IGF2BP3: variants seen among roughly 807,000 people sequenced by gnomAD.
IGF2BP3 encodes the protein insulin-like growth factor 2 mRNA-binding protein 3.
Under a neutral mutation model 73.8 loss-of-function variants are expected in IGF2BP3, and 9 were observed. The ratio of observed to expected loss-of-function variants is 0.12; its 90% confidence interval spans 0.07 to 0.21. The LOEUF (loss-of-function observed/expected upper bound fraction) is 0.21. Ranked by LOEUF, IGF2BP3 falls within the 10% of genes least tolerant of loss-of-function variation. The pLI is 1.00. For missense variants in IGF2BP3, 542 were observed against 714.0 expected (o/e 0.76, Z 2.75); for synonymous variants, 258 against 256.7 (o/e 1.01, Z -0.05).
intron 3 of IGF2BP3, among the ~76,000 whole-genome samples, chr7:23,406,582 T>C (rs773887356): frequency 6.6e-6 from 1 of 152,004 alleles, no homozygotes; most frequent in Non-Finnish European, 1.5e-5. Flanking sequence ...CTCTTAAAGG[T>C]AGTGTGGACC....
At chr7:23,358,991 A>G (rs1261459380) in intron 5 of IGF2BP3, among the ~76,000 whole-genome samples, 1 of 152,234 alleles carries the variant, frequency 6.6e-6, no homozygotes, top group East Asian at 1.9e-4. Context: ...CTGACTGAAT[A>G]TTAGAACAAA....
intron 2 of IGF2BP3, among the ~76,000 whole-genome samples, chr7:23,423,907 C>G (rs774035614): frequency 6.7e-6 from 1 of 150,276 alleles, no homozygotes; most frequent in Non-Finnish European, 1.5e-5. Flanking sequence ...ATCACGAGGT[C>G]AGAAGTTCGA....
At chr7:23,384,238 T>C (rs1486424011) in intron 3 of IGF2BP3, among the ~76,000 whole-genome samples, 1 of 149,798 alleles carries the variant, frequency 6.7e-6, no homozygotes, top group African/African-American at 2.5e-5. Flanking sequence ...ATGCACAGAA[T>C]AGGGAAATAT....
rs755015332 is a variant in IGF2BP3 at position 23,468,554 on chromosome 7, C to T, written c.176-12G>A. 1.1e-5 allele frequency: 17 copies of T among 1,613,996 alleles called. No homozygotes were observed. The East Asian group carries it at 3.3e-4, about 32-fold the overall frequency. ...CAGTTCTATTTTACCTGCGGACACA[C>T]AAGAAGTGAGACGGTCGGCCGAGTT... On this transcript the variant is annotated splice_polypyrimidine_tract_variant and intron_variant, in intron 1 of 14. Transcript: ENST00000258729.
intron 10 of IGF2BP3, among the ~76,000 whole-genome samples, chr7:23,326,318 G>A (rs1289604936): frequency 6.6e-6 from 1 of 152,204 alleles, no homozygotes; most frequent in African/African-American, 2.4e-5. Context: ...ATGAAAAAAT[G>A]CTCACCATCA....
At chr7:23,454,548 T>C (rs1434920695) in intron 2 of IGF2BP3, among the ~76,000 whole-genome samples, 1 of 152,194 alleles carries the variant, frequency 6.6e-6, no homozygotes. Context: ...AGAAGTCCTT[T>C]ACAGACATTA....
intron 2 of IGF2BP3, among the ~76,000 whole-genome samples, chr7:23,467,399 A>G (rs1248181381): frequency 3.3e-5 from 5 of 152,208 alleles, no homozygotes; most frequent in Admixed American, 6.5e-5. Flanking sequence ...CCTGATTTAA[A>G]TTAACTTTCA....
At chr7:23,426,113 G>A (rs927557142) in intron 2 of IGF2BP3, among the ~76,000 whole-genome samples, 1 of 152,180 alleles carries the variant, frequency 6.6e-6, no homozygotes, top group East Asian at 1.9e-4. Flanking sequence ...GATCACCTGA[G>A]GTCAGGAGTT....
chr7:23,406,119 T>C (rs116244806), intron 3 of IGF2BP3, among the ~76,000 whole-genome samples: 2,383 of 151,038 alleles, frequency 0.016, 77 homozygotes, highest in African/African-American at 0.055. Flanking sequence ...CAGTCCCTGG[T>C]GCCAAAAAGG....
chr7:23,346,280 T>G (rs1784826060), intron 7 of IGF2BP3: 2 of 468,904 alleles, frequency 4.3e-6, no homozygotes, highest in Non-Finnish European at 7.6e-6. Flanking sequence ...TAGTTCTTAT[T>G]TTATTCACTT....
At chr7:23,339,991 T>G (rs528565868) in intron 10 of IGF2BP3, among the ~76,000 whole-genome samples, 9 of 152,324 alleles carry the variant, frequency 5.9e-5, no homozygotes, top group Admixed American at 3.9e-4. Context: ...AAACTAGAAA[T>G]GTGTGACCTT....
At position 23,468,557 on chromosome 7, in the gene IGF2BP3, G is replaced by C. The variant is rs986649637; in HGVS notation, c.176-15C>G. ...TTCTATTTTACCTGCGGACACACAA[G>C]AAGTGAGACGGTCGGCCGAGTTCAG... On this transcript the variant is annotated splice_polypyrimidine_tract_variant and intron_variant, in intron 1 of 14. Coordinates refer to ENST00000258729, the MANE Select transcript of IGF2BP3 (RefSeq NM_006547.3). The C allele has an allele frequency of 6.2e-7, 1 of 1,613,928 alleles. No homozygotes were observed. Among genetic ancestry groups the C allele is most frequent in the Non-Finnish European group, 8.5e-7 (1 of 1,179,784 alleles).
At chr7:23,392,956 G>A (rs1158056473) in intron 3 of IGF2BP3, among the ~76,000 whole-genome samples, 3 of 152,144 alleles carry the variant, frequency 2.0e-5, no homozygotes, top group Admixed American at 6.5e-5. Context: ...AAATTAAAGT[G>A]AGTGGCATAT....
rs568671189 is a variant in IGF2BP3 at position 23,354,569 on chromosome 7, C to G, written c.402-2983G>C. Among the ~76,000 whole-genome samples, 5 of 152,312 alleles carry G rather than the reference C, an allele frequency of 3.3e-5. No homozygotes were observed. In the South Asian group the frequency reaches 1.0e-3, roughly 32 times the overall value. Reference sequence around the variant, plus strand: ...TCCCTGGGGTAAAAGGTACACACGTCAGTTACCAGATGCTTCTATATTCTA... The same window carrying G: ...TCCCTGGGGTAAAAGGTACACACGTGAGTTACCAGATGCTTCTATATTCTA... On this transcript the variant is annotated intron_variant, in intron 5 of 14. Transcript: ENST00000258729.
chr7:23,379,713 C>T (rs535395572), intron 3 of IGF2BP3, among the ~76,000 whole-genome samples: 2 of 152,290 alleles, frequency 1.3e-5, no homozygotes, highest in East Asian at 3.9e-4. Context: ...TCTCAATTTT[C>T]TAGTCTTCAA....
intron 2 of IGF2BP3, among the ~76,000 whole-genome samples, chr7:23,423,605 G>C (rs184885795): frequency 2.8e-4 from 43 of 152,192 alleles, no homozygotes; most frequent in African/African-American, 9.6e-4. Context: ...AGCCTGAACA[G>C]TGCTTGGCAT....
chr7:23,322,078 G>A (rs145011265), intron 10 of IGF2BP3, among the ~76,000 whole-genome samples: 140 of 152,330 alleles, frequency 9.2e-4, no homozygotes, highest in African/African-American at 3.0e-3. Context: ...GACGGAGAGT[G>A]ACTTTGATGA....
chr7:23,320,389 T>C (rs1047990923), intron 10 of IGF2BP3, among the ~76,000 whole-genome samples: 1 of 152,104 alleles, frequency 6.6e-6, no homozygotes, highest in Admixed American at 6.5e-5. Context: ...AAGGACACAT[T>C]TGCTCAAGAG....
intron 3 of IGF2BP3, among the ~76,000 whole-genome samples, chr7:23,417,189 T>C (rs1787215802): frequency 6.6e-6 from 1 of 152,216 alleles, no homozygotes; most frequent in South Asian, 2.1e-4. Flanking sequence ...GAACTCTCAA[T>C]AAAATTGTTT....
Sources: gnomAD v4.1 joint callset for allele counts (sites outside exome capture counted in the v4.1 genomes callset) on GRCh38, gnomAD v4.1.1 for gene constraint, MANE v1.5 for transcripts, NCBI Gene and HGNC (gene_info 2026-07-23, HGNC 2026-07-21) for gene names.